The following SELENOO variants were observed in gnomAD, a reference collection of about 807,000 sequenced individuals.
The protein encoded by SELENOO is protein adenylyltransferase SelO, mitochondrial.
SELENOO carries 74 observed loss-of-function variants against 58.7 expected under a neutral mutation model. The observed-to-expected ratio is 1.26, with a 90% CI of 1.04 to 1.53. The LOEUF is 1.53. Ranked by LOEUF, SELENOO falls within the 40% of genes most tolerant of loss-of-function variation. The probability of loss-of-function intolerance (pLI) is 0.00; values close to 1 mark genes in which losing one functional copy is unlikely to be tolerated. For missense variants in SELENOO, 1,149 were observed against 970.0 expected, an observed-to-expected ratio of 1.18 and a Z score of -2.45; for synonymous variants, 543 against 453.2, an observed-to-expected ratio of 1.20 and a Z score of -2.52.
At chr22:50,204,831 A>G (rs1237685466) in intron 1 of SELENOO, among the ~76,000 whole-genome samples, 1 of 152,256 alleles carries the variant, frequency 6.6e-6, no homozygotes, top group African/African-American at 2.4e-5. Flanking sequence ...ACCGATATTC[A>G]TGGCCAAAAG....
intron 1 of SELENOO, among the ~76,000 whole-genome samples, chr22:50,202,281 C>G (rs1400974264): frequency 6.6e-6 from 1 of 152,200 alleles, no homozygotes; most frequent in Non-Finnish European, 1.5e-5. Context: ...TCCCTGTGCT[C>G]TCATCACCTC....
chr22:50,217,332 T>C lies in SELENOO; in HGVS notation c.1973T>C (p.Leu658Pro), dbSNP rs779553186. The C allele has an allele frequency of 1.2e-6, 2 of 1,612,844 alleles. No homozygotes were observed. The highest frequency in any genetic ancestry group is 1.6e-4 in the Middle Eastern group (1 of 6,062). ...CGCTCCTACAGCAGTAAGCCCCCGC[T>C]CTGGGCAGCAGAACTGTGCGTGACA... ...RQRSYSSKPP[L>P]WAAELCVTUS... The change falls in exon 9 of 9, where the codon CTC becomes CCC. Residue 658 changes from leucine to proline, a missense_variant. Coordinates refer to ENST00000380903, the MANE Select transcript of SELENOO (RefSeq NM_031454.2).
chr22:50,201,013 C>G lies in SELENOO; in HGVS notation c.-24C>G. The G allele has an allele frequency of 8.2e-7, 1 of 1,221,482 alleles. No homozygotes were observed. 75.7% of individuals were successfully genotyped at this position (1,221,482 alleles called of 1,614,324 possible). ...GGGGCTTCCGGGCGGGGCAGGCTGGCTTCCGGCGGGAGCGGGGCCGCGGAT... is the reference window on the plus strand; with the variant it reads ...GGGGCTTCCGGGCGGGGCAGGCTGGGTTCCGGCGGGAGCGGGGCCGCGGAT... On this transcript the variant is annotated 5_prime_UTR_variant, in exon 1 of 9. Coordinates refer to ENST00000380903, the MANE Select transcript of SELENOO (RefSeq NM_031454.2).
intron 5 of SELENOO, among the ~76,000 whole-genome samples, chr22:50,215,346 G>A (rs539404470): frequency 3.6e-4 from 55 of 152,208 alleles, no homozygotes; most frequent in African/African-American, 1.3e-3. Context: ...GGCGGTGGAT[G>A]GGTGGAGGCT....
intron 1 of SELENOO, among the ~76,000 whole-genome samples, chr22:50,202,466 T>G (rs946959009): frequency 6.6e-6 from 1 of 152,148 alleles, no homozygotes; most frequent in African/African-American, 2.4e-5. Context: ...CCCAGCGACC[T>G]GCTTAGAGTT....
At chr22:50,216,938 CGGCTGT>C (rs1569105837) in intron 7 of SELENOO, 28 bp from the exon 8 acceptor site, 1 of 1,603,792 alleles carries the variant, frequency 6.2e-7, no homozygotes, top group Non-Finnish European at 8.5e-7. Context: ...AAGTCCAGCC[CGGCTGT>C]GACTCCAGAG....
chr22:50,210,123 G>A (rs567798573), intron 3 of SELENOO, 58 bp from the exon 4 acceptor site: 45 of 1,579,462 alleles, frequency 2.8e-5, no homozygotes, highest in Middle Eastern at 3.9e-4. Context: ...GGATGGACAC[G>A]AGTGGGGAGG....
chr22:50,206,326 C>A lies in SELENOO; in HGVS notation c.564C>A (p.Asp188Glu). ...CTGTGTTTGGTTTCAGACAGGCCGA[C>A]GGTCGCAAGGTCCTACGGTCAAGCA... is the stretch of plus-strand genomic sequence containing the variant. Reference protein sequence around the residue: ...AGPTPFSRQADGRKVLRSSIR... With the variant: ...AGPTPFSRQAEGRKVLRSSIR... Residue 188 changes from aspartate (D) to glutamate (E), a missense_variant, in exon 2 of 9, where the codon GAC (aspartate) becomes GAA (glutamate). Asp to Glu is a conservative substitution (Grantham distance 45). Transcript: ENST00000380903. 2 of 1,613,692 alleles carry A rather than the reference C, an allele frequency of 1.2e-6. No homozygotes were observed. The highest frequency in any genetic ancestry group is 1.7e-6 in the Non-Finnish European group (2 of 1,179,962).
At position 50,201,124 on chromosome 22, in the gene SELENOO, C is replaced by T; in HGVS notation, c.88C>T (p.Arg30Cys). ...TCGCTGTTCCCCGTCGCCGGCGCCC[C>T]GCTCTACGTTGTCGGGCGCCGCCAT... ...LGRCSPSPAP[R>C]STLSGAAMEP... Residue 30 changes from arginine to cysteine, a missense_variant, in exon 1 of 9, where the codon CGC (arginine) becomes TGC (cysteine). Coordinates refer to ENST00000380903, the MANE Select transcript of SELENOO (RefSeq NM_031454.2). 1 of 1,325,440 alleles carries T rather than the reference C, an allele frequency of 7.5e-7. No individual in the cohort carries two copies. The allele number at this position is 1,325,440 out of a possible 1,614,324, so 82.1% of individuals were successfully genotyped here.
At chr22:50,211,012 C>A in intron 5 of SELENOO, 101 bp downstream of exon 5, 1 of 1,269,862 alleles carries the variant, frequency 7.9e-7, no homozygotes, top group African/African-American at 1.5e-5. Context: ...ACAGTCACTC[C>A]CTGGGCCCAC....
At chr22:50,215,034 CT>C (rs1488827912) in intron 5 of SELENOO, among the ~76,000 whole-genome samples, 1 of 152,226 alleles carries the variant, frequency 6.6e-6, no homozygotes, top group East Asian at 1.9e-4. Flanking sequence ...CCCTTGCTAC[CT>C]TTGTGTGTAG....
chr22:50,210,829 C>G lies in SELENOO; in HGVS notation c.1269C>G (p.Arg423=), dbSNP rs2064365559. ...EFQRHYLQKM[R]RKLGLVQVEL... ...AAAGGCACTACCTGCAGAAGATGCGCAGGAAGCTGGGCCTCGTGCAGGTGG... is the reference window on the plus strand; with the variant it reads ...AAAGGCACTACCTGCAGAAGATGCGGAGGAAGCTGGGCCTCGTGCAGGTGG... The change falls in exon 5 of 9, where the codon CGC becomes CGG. Residue 423 remains arginine (R), a synonymous_variant. Transcript: ENST00000380903. 2 of 1,614,002 alleles carry G rather than the reference C, an allele frequency of 1.2e-6. No individual in the cohort carries two copies. Among genetic ancestry groups the G allele is most frequent in the Admixed American group, 1.7e-5 (1 of 60,008 alleles).
chr22:50,201,666 TGGG>T, intron 1 of SELENOO, 76 bp downstream of exon 1: 1 of 1,094,034 alleles, frequency 9.1e-7, no homozygotes, highest in Non-Finnish European at 1.2e-6. Flanking sequence ...GGCGCGGTGT[TGGG>T]GGCGTCCGGC....
chr22:50,207,981 G>A (rs1230557601), intron 2 of SELENOO, among the ~76,000 whole-genome samples: 3 of 150,896 alleles, frequency 2.0e-5, no homozygotes, highest in Admixed American at 2.0e-4. Flanking sequence ...TGCCCGGCAC[G>A]TGCCCCAGAC....
At position 50,206,624 on chromosome 22, in the gene SELENOO, C is replaced by T. The variant is rs1027024503; in HGVS notation, c.758+104C>T. The T allele has an allele frequency of 2.2e-5, 23 of 1,038,362 alleles. No homozygotes were observed. In the South Asian group the frequency reaches 2.4e-4, roughly 11 times the overall value. The allele number at this position is 1,038,362 out of a possible 1,614,324, so 64.3% of individuals were successfully genotyped here. ...TCTGGTAGAAACAAACCCAGATGACCGCCTTGGCCTCTTCTGAAAGTCCAG... is the reference window on the plus strand; with the variant it reads ...TCTGGTAGAAACAAACCCAGATGACTGCCTTGGCCTCTTCTGAAAGTCCAG... On this transcript the variant is annotated intron_variant, in intron 2 of 8. Transcript: ENST00000380903.
intron 5 of SELENOO, among the ~76,000 whole-genome samples, chr22:50,214,676 A>G (rs1326326925): frequency 6.6e-6 from 1 of 151,738 alleles, no homozygotes; most frequent in Non-Finnish European, 1.5e-5. Context: ...GAGGTAGGAG[A>G]ATTGCTGGAA....
intron 3 of SELENOO, among the ~76,000 whole-genome samples, chr22:50,208,934 C>T (rs916270008): frequency 6.6e-5 from 10 of 151,482 alleles, no homozygotes; most frequent in African/African-American, 1.9e-4. Flanking sequence ...GGGCCCTGGG[C>T]GTGCTCTCCT....
At chr22:50,206,296 G>A (rs907398651) in intron 1 of SELENOO, 21 bp from the exon 2 acceptor site, 1 of 1,611,264 alleles carries the variant, frequency 6.2e-7, no homozygotes. Context: ...CCCACGTAGT[G>A]AACTCTGTGT....
Position 50,217,004 on chromosome 22 carries a change from G to T in SELENOO, c.1721G>T (p.Gly574Val). ...CTGGACAAGGACCTGGAAGGCGCTG[G>T]GGACGCTGCCGCCTGGCAGGCTGAG... is the stretch of plus-strand genomic sequence containing the variant. ...ARLDKDLEGA[G>V]DAAAWQAEHV... The change falls in exon 8 of 9, where the codon GGG becomes GTG. Residue 574 changes from glycine (G) to valine (V), a missense_variant. Gly to Val is a moderately radical substitution (Grantham distance 109). Transcript: ENST00000380903. 6.2e-7 allele frequency: 1 copy of T among 1,611,442 alleles called. No homozygotes were observed.
Sources: allele counts gnomAD v4.1 joint callset (sites outside exome capture counted in the v4.1 genomes callset), GRCh38; gene constraint gnomAD v4.1.1; transcripts MANE v1.5; gene names NCBI Gene and HGNC (gene_info 2026-07-23, HGNC 2026-07-21).